ZBED1: variants seen among roughly 807,000 people sequenced by gnomAD.
ZBED1 encodes the protein zinc finger BED-type containing 1.
ZBED1 carries 19 observed loss-of-function variants against 49.7 expected under a neutral mutation model. That is an observed-to-expected ratio of 0.38 (90% CI 0.27 to 0.56). The LOEUF (loss-of-function observed/expected upper bound fraction) is 0.56, where lower values mean the gene tolerates loss of function less well. ZBED1 is among the 20% of genes least tolerant of loss of function. The probability of loss-of-function intolerance (pLI) is 0.70; values close to 1 mark genes in which losing one functional copy is unlikely to be tolerated. For missense variants in ZBED1, 806 were observed against 972.6 expected (o/e 0.83, Z 2.28); for synonymous variants, 439 against 440.3 (o/e 1.00, Z 0.04).
rs373097064 is a variant in ZBED1 at position 2,490,075 on chromosome X, G to C, written c.645C>G (p.Ala215=). 2 of 1,613,768 alleles carry C rather than the reference G, an allele frequency of 1.2e-6. No homozygotes were observed. The highest frequency in any genetic ancestry group is 2.2e-5 in the South Asian group (2 of 91,066). ...TGGGGGCGCCCAGGCCCAGGAAGTG[G>C]GCGGCCAGCGTGACGTAGGCGCGGT... is the stretch of plus-strand genomic sequence containing the variant. ...NQNRAYVTLA[A]HFLGLGAPNC... Residue 215 remains alanine (A), a synonymous_variant, in exon 2 of 2, where the codon GCC becomes GCG. Transcript: ENST00000652001.
At chrX:2,493,345 G>C (rs1388187721) in intron 1 of ZBED1, among the ~76,000 whole-genome samples, 1 of 152,018 alleles carries the variant, frequency 6.6e-6, no homozygotes, top group African/African-American at 2.4e-5. Flanking sequence ...TTATTATTTG[G>C]CTGAAACAGG....
chrX:2,489,861 G>A lies in ZBED1; in HGVS notation c.859C>T (p.His287Tyr), dbSNP rs766972081. 6.8e-6 allele frequency: 11 copies of A among 1,613,666 alleles called. No individual in the cohort carries two copies. The highest frequency in any genetic ancestry group is 7.6e-6 in the Non-Finnish European group (9 of 1,179,898). The change falls in exon 2 of 2, where the codon CAC (histidine) becomes TAC (tyrosine). Residue 287 changes from histidine to tyrosine, a missense_variant. Coordinates refer to ENST00000652001, the MANE Select transcript of ZBED1 (RefSeq NM_001171136.2). ...AAGGTGTGGCCCAGGCAGGGCATGT[G>A]CACTGCGACGTCCAGCAGGGAGCAC... Reference protein sequence around the residue: ...KACSLLDVAVHMPCLGHTFNA... With the variant: ...KACSLLDVAVYMPCLGHTFNA...
chrX:2,490,693 G>C lies in ZBED1; in HGVS notation c.27C>G (p.Ser9=), dbSNP rs375953431. 1.7e-5 allele frequency: 28 copies of C among 1,613,836 alleles called. No individual in the cohort carries two copies. Among genetic ancestry groups the C allele is most frequent in the Non-Finnish European group, 2.4e-5 (28 of 1,179,804 alleles). Residue 9 remains serine (S), a synonymous_variant, in exon 2 of 2, where the codon TCC becomes TCG. Transcript: ENST00000652001. MENKSLES[S]QTDLKLVAHP... ...GGGCCACCAGCTTCAGGTCTGTCTG[G>C]GAGCTCTCCAGGCTTTTATTCTCCA... is the stretch of plus-strand genomic sequence containing the variant.
At chrX:2,496,696 G>C (rs1313035284) in intron 1 of ZBED1, among the ~76,000 whole-genome samples, 1 of 151,936 alleles carries the variant, frequency 6.6e-6, no homozygotes, top group Non-Finnish European at 1.5e-5. Flanking sequence ...AAAATAGCGG[G>C]TGATAGATAT....
At chrX:2,490,850 G>A in intron 1 of ZBED1, 78 bp from the exon 2 acceptor site, 2 of 1,327,764 alleles carry the variant, frequency 1.5e-6, no homozygotes, top group Admixed American at 2.3e-5. Flanking sequence ...GACAGACAGG[G>A]TGCCGGGGCA....
Position 2,488,637 on chromosome X carries a change from A to G in ZBED1, c.2083T>C (p.Ter695GlnextTer76). The change falls in exon 2 of 2, where the codon TAG (stop) becomes CAG (glutamine). Residue 695 changes from the stop codon to glutamine (Q), a stop_lost. Transcript: ENST00000652001. Reference protein sequence around the residue: ...FFGIRDSSFL* With the variant: ...FFGIRDSSFLQ ...TTGTAAGACAACACGCTTCCTCGCT[A>G]CAGGAAGCTGCTGTCCCTAATGCCA... The G allele has an allele frequency of 1.9e-6, 3 of 1,597,800 alleles. No individual in the cohort carries two copies. Among genetic ancestry groups the G allele is most frequent in the Non-Finnish European group, 2.6e-6 (3 of 1,172,856 alleles).
chrX:2,500,856 G>A lies in ZBED1; in HGVS notation c.-93C>T. On this transcript the variant is annotated 5_prime_UTR_variant, in exon 1 of 2. The change creates a premature stop within an existing upstream ORF in the 5' untranslated region. Coordinates refer to ENST00000652001, the MANE Select transcript of ZBED1 (RefSeq NM_001171136.2). ...CCCCCGCGGCAGCGCCGCAGCAGCT[G>A]CGCCAGGATCACCGCGGCGCCTACC... 2 of 1,161,372 alleles carry A rather than the reference G, an allele frequency of 1.7e-6. No homozygotes were observed. Among genetic ancestry groups the A allele is most frequent in the Non-Finnish European group, 2.1e-6 (2 of 936,824 alleles). The allele number at this position is 1,161,372 out of a possible 1,614,324, so 71.9% of individuals were successfully genotyped here. A position where few individuals can be genotyped will look rare whatever the true frequency, so the allele number is the denominator to read the frequency against.
chrX:2,493,600 G>C (rs1376457153), intron 1 of ZBED1, among the ~76,000 whole-genome samples: 2 of 151,752 alleles, frequency 1.3e-5, no homozygotes, highest in African/African-American at 4.8e-5. Flanking sequence ...AGTAACAAAG[G>C]TTTATATTCT....
rs758633308 is a variant in ZBED1 at position 2,489,397 on chromosome X, G to A, written c.1323C>T (p.Ser441=). The change falls in exon 2 of 2, where the codon TCC becomes TCT. Residue 441 remains serine, a synonymous_variant. Transcript: ENST00000652001. ...CCTCCTTGGCCATGCTGAGCTCCTTGGAGTCGGTCTCCTTGATGTTGAGCG... is the reference window on the plus strand; with the variant it reads ...CCTCCTTGGCCATGCTGAGCTCCTTAGAGTCGGTCTCCTTGATGTTGAGCG... ...NTTLNIKETD[S]KELSMAKEVI... 6.2e-6 allele frequency: 10 copies of A among 1,613,848 alleles called. No individual in the cohort carries two copies. The East Asian group carries it at 1.8e-4, about 29-fold the overall frequency.
At chrX:2,490,853 C>A in intron 1 of ZBED1, 81 bp from the exon 2 acceptor site, 4 of 1,299,608 alleles carry the variant, frequency 3.1e-6, no homozygotes, top group Non-Finnish European at 4.3e-6. Context: ...AGACAGGGTG[C>A]CGGGGCAGCT....
chrX:2,488,569 A>C lies in ZBED1; in HGVS notation c.*66T>G. 2.0e-6 allele frequency: 3 copies of C among 1,513,796 alleles called. No homozygotes were observed. The highest frequency in any genetic ancestry group is 2.7e-6 in the Non-Finnish European group (3 of 1,131,970). 93.8% of individuals were successfully genotyped at this position (1,513,796 alleles called of 1,614,324 possible). ...GGTTCAAAACCAAGCTGACCGGGTA[A>C]GTATTTACAGCAAAGCATCCAATGG... is the stretch of plus-strand genomic sequence containing the variant. On this transcript the variant is annotated 3_prime_UTR_variant, in exon 2 of 2. Transcript: ENST00000652001.
In ZBED1 at chrX:2,500,916, A is replaced by G. The variant is rs2045412330; in HGVS notation, c.-153T>C. ...CGCAGGGCCGCCCGCGCCGCAGACA[A>G]TGGCGACATGGCTGCCCCGGCCGCG... On this transcript the variant is annotated 5_prime_UTR_variant, in exon 1 of 2. Coordinates refer to ENST00000652001, the MANE Select transcript of ZBED1 (RefSeq NM_001171136.2). 9.2e-7 allele frequency: 1 copy of G among 1,088,422 alleles called. No individual in the cohort carries two copies. The highest frequency in any genetic ancestry group is 1.1e-6 in the Non-Finnish European group (1 of 896,778). 67.4% of individuals were successfully genotyped at this position (1,088,422 alleles called of 1,614,324 possible). A position where few individuals can be genotyped will look rare whatever the true frequency, so the allele number is the denominator to read the frequency against.
At chrX:2,495,124 T>C (rs947798739) in intron 1 of ZBED1, among the ~76,000 whole-genome samples, 23 of 150,808 alleles carry the variant, frequency 1.5e-4, no homozygotes, top group Admixed American at 1.3e-4. Context: ...TCTATCATTA[T>C]TATCATTATT....
chrX:2,493,939 T>C (rs746962915), intron 1 of ZBED1, among the ~76,000 whole-genome samples: 1 of 152,114 alleles, frequency 6.6e-6, no homozygotes, highest in South Asian at 2.1e-4. Flanking sequence ...GCCATTGCAC[T>C]GTAGCCTGGG....
At position 2,489,741 on chromosome X, in the gene ZBED1, C is replaced by T. The variant is rs773291905; in HGVS notation, c.979G>A (p.Val327Met). ...TTCTCATAGAGCATGTACATGGCCACGGCAGACTGCTGGAAGTACTCCACC... is the reference window on the plus strand; with the variant it reads ...TTCTCATAGAGCATGTACATGGCCATGGCAGACTGCTGGAAGTACTCCACC... The part of the protein sequence containing the change: ...KLVEYFQQSA[V>M]AMYMLYEKQK... Residue 327 changes from valine (V) to methionine (M), a missense_variant, in exon 2 of 2, where the codon GTG (valine) becomes ATG (methionine). Physicochemically the swap from Val to Met is conservative, Grantham distance 21 (BLOSUM62 1). Around this residue, in one of 2 missense-constraint regions of ZBED1, gnomAD observed 749 missense variants for 861.3 expected, o/e 0.87. Transcript: ENST00000652001. 9.3e-6 allele frequency: 15 copies of T among 1,613,126 alleles called. No homozygotes were observed. The highest frequency in any genetic ancestry group is 8.8e-5 in the South Asian group (8 of 91,040).
At position 2,491,865 on chromosome X, in the gene ZBED1, G is replaced by A. The variant is rs2045156004; in HGVS notation, c.-53-1093C>T. Among the ~76,000 whole-genome samples the A allele has an allele frequency of 3.9e-5, 6 of 152,230 alleles. No individual in the cohort carries two copies. The South Asian group carries it at 1.0e-3, about 26-fold the overall frequency. The stretch of plus-strand genomic sequence containing the variant: ...GGAGGCTTAGATGACCCAGAAGCCA[G>A]TCCCCAGGGTTCCTGTTGAGGTTGA... On this transcript the variant is annotated intron_variant, in intron 1 of 1. Coordinates refer to ENST00000652001, the MANE Select transcript of ZBED1 (RefSeq NM_001171136.2).
At position 2,487,229 on chromosome X, in the gene ZBED1, G is replaced by C. The variant is rs1036007083; in HGVS notation, c.*1406C>G. 3.9e-5 allele frequency: 6 copies of C among 152,202 alleles called. No homozygotes were observed. The highest frequency in any genetic ancestry group is 1.2e-4 in the African/African-American group (5 of 41,448). 9.4% of individuals were successfully genotyped at this position (152,202 alleles called of 1,614,324 possible). A position where few individuals can be genotyped will look rare whatever the true frequency, so the allele number is the denominator to read the frequency against. ...AAATTCATTTCCCCTATGGTATTCA[G>C]TTTAAAAGAGAAGAATCAAGAGTCC... On this transcript the variant is annotated 3_prime_UTR_variant, in exon 2 of 2. Coordinates refer to ENST00000652001, the MANE Select transcript of ZBED1 (RefSeq NM_001171136.2).
At chrX:2,494,630 T>C (rs1472222796) in intron 1 of ZBED1, among the ~76,000 whole-genome samples, 1 of 151,932 alleles carries the variant, frequency 6.6e-6, no homozygotes, top group Non-Finnish European at 1.5e-5. Flanking sequence ...GTTCTATTAT[T>C]ATCATTATTA....
chrX:2,500,468 C>A (rs1186522435), intron 1 of ZBED1: 1 of 158,734 alleles, frequency 6.3e-6, no homozygotes, highest in South Asian at 1.5e-4. Context: ...GGCCATGGCC[C>A]GGAGGTGTCA....
Sources: gnomAD v4.1 joint callset for allele counts (sites outside exome capture counted in the v4.1 genomes callset) on GRCh38, gnomAD v4.1.1 for gene constraint, gnomAD v4.1.1 regional missense constraint, MANE v1.5 for transcripts, NCBI Gene and HGNC (gene_info 2026-07-23, HGNC 2026-07-21) for gene names.